The following NCOA2 variants were observed in gnomAD, a reference collection of about 807,000 sequenced individuals.
The protein encoded by NCOA2 is class E basic helix-loop-helix protein 75.
NCOA2 carries 21 observed loss-of-function variants against 145.1 expected under a neutral mutation model. The ratio of observed to expected loss-of-function variants is 0.14; its 90% confidence interval spans 0.10 to 0.21. NCOA2 has a LOEUF of 0.21. Among genes scored for constraint, NCOA2 ranks in the 10% least tolerant of loss-of-function variants. The probability of loss-of-function intolerance (pLI) is 1.00; values close to 1 mark genes in which losing one functional copy is unlikely to be tolerated. For synonymous variants in NCOA2, 619 were observed against 637.5 expected, an observed-to-expected ratio of 0.97 and a Z score of 0.44; for missense variants, 1,472 against 1,837.6, an observed-to-expected ratio of 0.80 and a Z score of 3.64.
At chr8:70,163,643 G>GCA in intron 7 of NCOA2, 77 bp from the exon 8 acceptor site, 1 of 1,039,470 alleles carries the variant, frequency 9.6e-7, no homozygotes, top group Non-Finnish European at 1.5e-6. Flanking sequence ...ATTTATGACA[G>GCA]CACAGCCTGT....
At chr8:70,398,457 T>C (rs946377212) in intron 1 of NCOA2, among the ~76,000 whole-genome samples, 1 of 151,856 alleles carries the variant, frequency 6.6e-6, no homozygotes, top group Non-Finnish European at 1.5e-5. Flanking sequence ...CGAGACCATA[T>C]CTCAAAATAA....
chr8:70,447,279 C>A, the NCOA2 span, among the ~76,000 whole-genome samples: 1 of 152,086 alleles, frequency 6.6e-6, no homozygotes, highest in Non-Finnish European at 1.5e-5. Flanking sequence ...AGCCCTCAGT[C>A]GCATCAGAGC....
At chr8:70,160,684 A>AGAGAGG (rs1554578999) in intron 9 of NCOA2, among the ~76,000 whole-genome samples, 12 of 147,740 alleles carry the variant, frequency 8.1e-5, no homozygotes, top group African/African-American at 2.9e-4. Flanking sequence ...AGAGAGAGGG[A>AGAGAGG]GAGAGAGAGA....
chr8:70,206,196 T>A (rs530642677), intron 4 of NCOA2, among the ~76,000 whole-genome samples: 73 of 152,338 alleles, frequency 4.8e-4, no homozygotes, highest in Middle Eastern at 6.8e-3. Context: ...CATAAGGAAC[T>A]ATAAACTAAG....
intron 2 of NCOA2, among the ~76,000 whole-genome samples, chr8:70,260,064 A>G (rs1823985816): frequency 6.6e-6 from 1 of 152,240 alleles, no homozygotes; most frequent in Admixed American, 6.5e-5. Context: ...CAAAGTTACA[A>G]CCATAACCCT....
At chr8:70,366,964 C>A (rs1028094075) in intron 1 of NCOA2, among the ~76,000 whole-genome samples, 1 of 152,138 alleles carries the variant, frequency 6.6e-6, no homozygotes, top group African/African-American at 2.4e-5. Context: ...AAGATTCATA[C>A]AGAATAATAG....
intron 14 of NCOA2, among the ~76,000 whole-genome samples, chr8:70,140,302 C>T (rs1331471568): frequency 6.6e-6 from 1 of 152,178 alleles, no homozygotes; most frequent in African/African-American, 2.4e-5. Context: ...CCCTAGGTAA[C>T]CACTACTTTA....
intron 2 of NCOA2, among the ~76,000 whole-genome samples, chr8:70,293,665 G>A (rs1439843096): frequency 3.9e-5 from 6 of 152,178 alleles, no homozygotes; most frequent in African/African-American, 1.2e-4. Context: ...TCCACAGTGA[G>A]TTCAACTTTC....
intron 19 of NCOA2, chr8:70,126,601 G>A (rs1275120840): frequency 1.7e-6 from 1 of 584,066 alleles, no homozygotes. Flanking sequence ...GAGAAAAGGA[G>A]GTACCTGAGC....
chr8:70,364,409 A>G (rs1446527559), intron 1 of NCOA2, among the ~76,000 whole-genome samples: 2 of 152,252 alleles, frequency 1.3e-5, no homozygotes, highest in African/African-American at 4.8e-5. Context: ...TGATGGTAAC[A>G]CCAGCTCTGA....
At chr8:70,218,492 C>T (rs995277796) in intron 2 of NCOA2, among the ~76,000 whole-genome samples, 4 of 152,156 alleles carry the variant, frequency 2.6e-5, no homozygotes, top group African/African-American at 9.7e-5. Context: ...GGCCAGTATT[C>T]ATGTCCAAGC....
At chr8:70,454,023 T>C in the NCOA2 span, among the ~76,000 whole-genome samples, 1 of 152,202 alleles carries the variant, frequency 6.6e-6, no homozygotes, top group Admixed American at 6.5e-5. Context: ...TGACAAACTC[T>C]TAAGGATTTT....
chr8:70,270,960 G>A lies in NCOA2; in HGVS notation c.-20+25784C>T, dbSNP rs976213445. Among the ~76,000 whole-genome samples the A allele has an allele frequency of 5.7e-4, 86 of 152,142 alleles. 2 individuals are homozygous for A. The highest frequency in any genetic ancestry group is 1.5e-4 in the Non-Finnish European group (10 of 68,026). ...GTCTAAATATAAAGAAAAAGATGATGAATTATATGAATTTTCAAAGCACAT... is the reference window on the plus strand; with the variant it reads ...GTCTAAATATAAAGAAAAAGATGATAAATTATATGAATTTTCAAAGCACAT... On this transcript the variant is annotated intron_variant, in intron 2 of 22. Transcript: ENST00000452400.
chr8:70,305,668 A>G (rs1266744709), intron 1 of NCOA2, among the ~76,000 whole-genome samples: 1 of 152,236 alleles, frequency 6.6e-6, no homozygotes, highest in East Asian at 1.9e-4. Context: ...CAGAAAAAAA[A>G]TTGAAAACAG....
At chr8:70,344,557 C>T (rs763777879) in intron 1 of NCOA2, among the ~76,000 whole-genome samples, 3 of 152,138 alleles carry the variant, frequency 2.0e-5, no homozygotes, top group Admixed American at 6.5e-5. Flanking sequence ...CTGCAAACAG[C>T]GGCAGTATTA....
intron 11 of NCOA2, among the ~76,000 whole-genome samples, chr8:70,155,525 A>G (rs1264184970): frequency 6.6e-6 from 1 of 152,270 alleles, no homozygotes; most frequent in African/African-American, 2.4e-5. Flanking sequence ...TGAGCTAAGA[A>G]TGAATTTACA....
intron 1 of NCOA2, among the ~76,000 whole-genome samples, chr8:70,301,558 G>A: frequency 6.7e-6 from 1 of 150,052 alleles, no homozygotes; most frequent in Non-Finnish European, 1.5e-5. Context: ...ATGAGGCTGG[G>A]ATGGGAGGAT....
chr8:70,302,576 A>C (rs1335485083), intron 1 of NCOA2, among the ~76,000 whole-genome samples: 1 of 152,216 alleles, frequency 6.6e-6, no homozygotes, highest in African/African-American at 2.4e-5. Flanking sequence ...GGTAAACATT[A>C]ACTAACCTCC....
chr8:70,302,078 T>C (rs960299191), intron 1 of NCOA2, among the ~76,000 whole-genome samples: 2 of 152,128 alleles, frequency 1.3e-5, no homozygotes, highest in African/African-American at 4.8e-5. Flanking sequence ...CCACAGGATA[T>C]AACCCCAAGA....
Sources: gnomAD v4.1 joint callset for allele counts (sites outside exome capture counted in the v4.1 genomes callset) on GRCh38, gnomAD v4.1.1 for gene constraint, MANE v1.5 for transcripts, NCBI Gene and HGNC (gene_info 2026-07-23, HGNC 2026-07-21) for gene names.